The following CHST9 variants were observed in gnomAD, a reference collection of about 807,000 sequenced individuals.
CHST9 encodes carbohydrate sulfotransferase 9, also known as GalNAc-4-sulfotransferase 2.
Under a neutral mutation model 44.4 loss-of-function variants are expected in CHST9, and 41 were observed. The observed-to-expected ratio is 0.92, with a 90% confidence interval of 0.72 to 1.20. The LOEUF (loss-of-function observed/expected upper bound fraction) is 1.20. Ranked by LOEUF, CHST9 falls within the 50% of genes most tolerant of loss-of-function variation. The pLI, the probability that CHST9 is intolerant of heterozygous loss-of-function variation, is 0.00. For missense variants in CHST9, 504 were observed against 516.5 expected (o/e 0.98, Z 0.23); for synonymous variants, 171 against 178.4 (o/e 0.96, Z 0.33).
At chr18:27,025,982 A>G (rs2057281016) in intron 3 of CHST9, among the ~76,000 whole-genome samples, 1 of 152,144 alleles carries the variant, frequency 6.6e-6, no homozygotes. Flanking sequence ...GCTTCTTTAT[A>G]TCCTACAATA....
chr18:27,146,030 A>G (rs1256084448), intron 1 of CHST9, among the ~76,000 whole-genome samples: 1 of 152,220 alleles, frequency 6.6e-6, no homozygotes, highest in Non-Finnish European at 1.5e-5. Flanking sequence ...CTGTCTACAT[A>G]ATTAAAACTT....
intron 4 of CHST9, among the ~76,000 whole-genome samples, chr18:26,970,424 C>CTAT (rs994833893): frequency 3.9e-5 from 6 of 151,956 alleles, no homozygotes; most frequent in South Asian, 4.2e-4. Flanking sequence ...GAGGTACGTA[C>CTAT]TATTATTATT....
chr18:27,075,196 C>T (rs9635979), intron 2 of CHST9, among the ~76,000 whole-genome samples: 47,167 of 145,786 alleles, frequency 0.32, 8,020 homozygotes, highest in Non-Finnish European at 0.38. Flanking sequence ...TTTTGGCTGA[C>T]ACATTTCATT....
At chr18:27,026,304 C>A (rs758899856) in intron 3 of CHST9, among the ~76,000 whole-genome samples, 22 of 152,148 alleles carry the variant, frequency 1.4e-4, no homozygotes, top group Non-Finnish European at 1.3e-4. Flanking sequence ...CGTTCTCCCC[C>A]ACTATAGTAA....
intron 2 of CHST9, among the ~76,000 whole-genome samples, chr18:27,106,214 A>AT (rs1293738176): frequency 6.6e-6 from 1 of 152,076 alleles, no homozygotes; most frequent in Non-Finnish European, 1.5e-5. Flanking sequence ...TGAATTATAG[A>AT]TTTTTTCAAC....
intron 3 of CHST9, among the ~76,000 whole-genome samples, chr18:27,043,265 A>G (rs936949484): frequency 6.6e-6 from 1 of 151,958 alleles, no homozygotes; most frequent in Admixed American, 6.6e-5. Context: ...TTCAACTCTT[A>G]TCCAGGAACC....
intron 2 of CHST9, among the ~76,000 whole-genome samples, chr18:27,080,418 C>T (rs541583572): frequency 1.4e-4 from 22 of 151,804 alleles, no homozygotes; most frequent in South Asian, 4.2e-4. Flanking sequence ...CAAGCAGAGA[C>T]GGTAATTTCG....
rs2055486393 is a variant in CHST9 at position 26,914,589 on chromosome 18, G to T, written c.*1670C>A. On this transcript the variant is annotated 3_prime_UTR_variant, in exon 6 of 6. Transcript: ENST00000618847. ...TAATGGCATGGAAAAGTAGTAAAAG[G>T]TTGGATTAGAAGGTTTAATACTTTT... is the stretch of plus-strand genomic sequence containing the variant. 1.8e-5 allele frequency: 4 copies of T among 217,866 alleles called. No homozygotes were observed. Among genetic ancestry groups the T allele is most frequent in the Non-Finnish European group, 2.7e-5 (3 of 111,752 alleles). 13.5% of individuals were successfully genotyped at this position (217,866 alleles called of 1,614,324 possible).
intron 2 of CHST9, among the ~76,000 whole-genome samples, chr18:27,110,212 C>G (rs897833958): frequency 2.6e-5 from 4 of 151,152 alleles, no homozygotes; most frequent in African/African-American, 7.3e-5. Flanking sequence ...ACTTCTTTAG[C>G]CTGGTTGTTT....
intron 5 of CHST9, chr18:26,924,562 T>C (rs1598559851): frequency 1.1e-6 from 1 of 926,480 alleles, no homozygotes; most frequent in African/African-American, 1.8e-5. Flanking sequence ...TCTTTTGTGA[T>C]TTACCTTGAA....
At chr18:27,170,770 C>T (rs1155333) in intron 1 of CHST9, among the ~76,000 whole-genome samples, 114,709 of 152,084 alleles carry the variant, frequency 0.75, 43,489 homozygotes, top group East Asian at 0.92. Context: ...CCTGCTAAAT[C>T]GTGTAAAATC....
chr18:26,943,872 T>C (rs1400006480), intron 5 of CHST9, among the ~76,000 whole-genome samples: 1 of 152,188 alleles, frequency 6.6e-6, no homozygotes, highest in Non-Finnish European at 1.5e-5. Context: ...AAGACCAGAA[T>C]GGAAGATCAA....
At chr18:27,100,504 T>A (rs1002316650) in intron 2 of CHST9, among the ~76,000 whole-genome samples, 1 of 151,014 alleles carries the variant, frequency 6.6e-6, no homozygotes, top group African/African-American at 2.4e-5. Flanking sequence ...AGAATAAGAG[T>A]GGGTATGGAA....
At chr18:27,013,106 T>C (rs914748709) in intron 4 of CHST9, among the ~76,000 whole-genome samples, 3 of 152,210 alleles carry the variant, frequency 2.0e-5, no homozygotes, top group African/African-American at 2.4e-5. Flanking sequence ...AACTCTGTCA[T>C]TTATGAAATA....
chr18:27,044,118 C>G (rs755934567), intron 3 of CHST9, among the ~76,000 whole-genome samples: 1 of 151,742 alleles, frequency 6.6e-6, no homozygotes, highest in Non-Finnish European at 1.5e-5. Context: ...AGGACTGACT[C>G]AAGTCTCGCC....
chr18:27,078,492 TC>T (rs2057928900), intron 2 of CHST9, among the ~76,000 whole-genome samples: 1 of 152,192 alleles, frequency 6.6e-6, no homozygotes, highest in African/African-American at 2.4e-5. Flanking sequence ...TATATATCTC[TC>T]TCACATATAT....
intron 2 of CHST9, among the ~76,000 whole-genome samples, chr18:27,109,218 G>A (rs1014487456): frequency 6.6e-5 from 10 of 152,030 alleles, no homozygotes; most frequent in Non-Finnish European, 1.3e-4. Context: ...GCCCACACCT[G>A]GGATGGCCTC....
chr18:27,126,326 G>A (rs748402723), intron 2 of CHST9, among the ~76,000 whole-genome samples: 2 of 152,148 alleles, frequency 1.3e-5, no homozygotes, highest in Non-Finnish European at 2.9e-5. Flanking sequence ...ACATATGTTA[G>A]GCACAGGGGA....
intron 5 of CHST9, among the ~76,000 whole-genome samples, chr18:26,932,645 C>G (rs571964898): frequency 6.6e-6 from 1 of 152,072 alleles, no homozygotes; most frequent in Non-Finnish European, 1.5e-5. Flanking sequence ...GAGATGCTAG[C>G]TCTATAATGC....
Sources: gnomAD v4.1 joint callset for allele counts (sites outside exome capture counted in the v4.1 genomes callset) on GRCh38, gnomAD v4.1.1 for gene constraint, MANE v1.5 for transcripts, NCBI Gene and HGNC (gene_info 2026-07-23, HGNC 2026-07-21) for gene names.